SH3D19: variants seen among roughly 807,000 people sequenced by gnomAD.
SH3D19 encodes the protein SH3 domain-containing protein 19.
In SH3D19, 58 loss-of-function variants were observed where a neutral mutation model predicts 112.1. The ratio of observed to expected loss-of-function variants is 0.52; its 90% confidence interval spans 0.42 to 0.64. The LOEUF (loss-of-function observed/expected upper bound fraction) is 0.64, where lower values mean the gene tolerates loss of function less well. Among genes scored for constraint, SH3D19 ranks in the 30% least tolerant of loss-of-function variants. The pLI, the probability that SH3D19 is intolerant of heterozygous loss-of-function variation, is 0.00. For missense variants in SH3D19, 1,090 were observed against 1,263.4 expected, an observed-to-expected ratio of 0.86 and a Z score of 2.08; for synonymous variants, 391 against 448.5, an observed-to-expected ratio of 0.87 and a Z score of 1.62.
chr4:151,156,124 A>G (rs896499264), intron 9 of SH3D19, among the ~76,000 whole-genome samples: 1 of 152,190 alleles, frequency 6.6e-6, no homozygotes, highest in Non-Finnish European at 1.5e-5. Context: ...GAAGTGAAAG[A>G]CCTCTACAAG....
intron 1 of SH3D19, chr4:151,277,180 C>A (rs1272994979): frequency 1.3e-6 from 2 of 1,489,180 alleles, no homozygotes; most frequent in Non-Finnish European, 1.8e-6. Flanking sequence ...GACATGGGCC[C>A]TGCTGGCTGT....
chr4:151,137,798 T>C lies in SH3D19; in HGVS notation c.2361A>G (p.Thr787=). The change falls in exon 14 of 20, where the codon ACA becomes ACG. Residue 787 remains threonine (T), a synonymous_variant. Transcript: ENST00000604030. The part of the protein sequence containing the change: ...EIVYLLEKID[T]DWYRGNCRNQ... Reference sequence around the variant, plus strand: ...TTCTACAGTTCCCTCTGTACCAATCTGTATCTATCTTCTCCAGAAGATAAA... The same window carrying C: ...TTCTACAGTTCCCTCTGTACCAATCCGTATCTATCTTCTCCAGAAGATAAA... 3 of 1,611,012 alleles carry C rather than the reference T, an allele frequency of 1.9e-6. No individual in the cohort carries two copies. Among genetic ancestry groups the C allele is most frequent in the Non-Finnish European group, 2.5e-6 (3 of 1,178,470 alleles).
chr4:151,153,165 C>T (rs1276972233), intron 9 of SH3D19, among the ~76,000 whole-genome samples: 2 of 152,068 alleles, frequency 1.3e-5, no homozygotes, highest in African/African-American at 4.8e-5. Context: ...AGGTATTTCT[C>T]CCAAGACCAC....
At chr4:151,168,960 G>A (rs1758574578) in intron 7 of SH3D19, among the ~76,000 whole-genome samples, 1 of 151,546 alleles carries the variant, frequency 6.6e-6, no homozygotes, top group Non-Finnish European at 1.5e-5. Flanking sequence ...GGCAGGCAGG[G>A]AAAGGAGAAA....
At chr4:151,285,208 T>C (rs546208344) in intron 1 of SH3D19, among the ~76,000 whole-genome samples, 56 of 152,180 alleles carry the variant, frequency 3.7e-4, no homozygotes, top group Non-Finnish European at 7.5e-4. Flanking sequence ...CTGTCCACAA[T>C]TTATAACTGT....
chr4:151,238,049 G>A (rs1301653355), intron 1 of SH3D19, among the ~76,000 whole-genome samples: 1 of 152,164 alleles, frequency 6.6e-6, no homozygotes, highest in African/African-American at 2.4e-5. Context: ...AAAGTAAGCA[G>A]AAGAGGGAGA....
chr4:151,182,922 C>A (rs900277423), intron 3 of SH3D19, among the ~76,000 whole-genome samples: 4 of 152,124 alleles, frequency 2.6e-5, no homozygotes, highest in African/African-American at 9.7e-5. Context: ...TGGGTTAATG[C>A]CACAGAATAA....
intron 1 of SH3D19, among the ~76,000 whole-genome samples, chr4:151,307,353 C>T (rs1729024793): frequency 6.6e-6 from 1 of 152,226 alleles, no homozygotes; most frequent in Non-Finnish European, 1.5e-5. Flanking sequence ...TTTAGTGTCT[C>T]CCTTCTTACC....
At chr4:151,291,726 T>C (rs372121251) in intron 1 of SH3D19, among the ~76,000 whole-genome samples, 46 of 152,302 alleles carry the variant, frequency 3.0e-4, no homozygotes, top group African/African-American at 8.2e-4. Flanking sequence ...GAATAAGTAT[T>C]TGTAGACACA....
At chr4:151,295,129 G>A (rs1402898559) in intron 1 of SH3D19, among the ~76,000 whole-genome samples, 3 of 152,188 alleles carry the variant, frequency 2.0e-5, no homozygotes, top group African/African-American at 4.8e-5. Flanking sequence ...AAGCTACTAG[G>A]CCTCAGTAAG....
chr4:151,289,987 C>T (rs72967579), intron 1 of SH3D19, among the ~76,000 whole-genome samples: 4,866 of 152,246 alleles, frequency 0.032, 270 homozygotes, highest in African/African-American at 0.11. Context: ...CAGGGTCTTG[C>T]TCTGTCACCC....
At chr4:151,129,107 G>C (rs1185111911) in intron 17 of SH3D19, among the ~76,000 whole-genome samples, 1 of 152,166 alleles carries the variant, frequency 6.6e-6, no homozygotes, top group Non-Finnish European at 1.5e-5. Flanking sequence ...GAATGGGTTG[G>C]TCTATGAATT....
At chr4:151,179,922 C>T (rs916456959) in intron 3 of SH3D19, among the ~76,000 whole-genome samples, 2 of 152,202 alleles carry the variant, frequency 1.3e-5, no homozygotes, top group East Asian at 1.9e-4. Flanking sequence ...CCCTGTTGCT[C>T]AGGCTGGAGA....
chr4:151,194,528 C>T (rs1481728320), intron 2 of SH3D19, among the ~76,000 whole-genome samples: 1 of 151,776 alleles, frequency 6.6e-6, no homozygotes, highest in Non-Finnish European at 1.5e-5. Flanking sequence ...AATTCTCCTG[C>T]CTCAGCCTCC....
At chr4:151,147,563 GCAAT>G (rs1293519409) in intron 11 of SH3D19, among the ~76,000 whole-genome samples, 4 of 152,212 alleles carry the variant, frequency 2.6e-5, no homozygotes, top group Non-Finnish European at 5.9e-5. Context: ...CCAGGCTCAA[GCAAT>G]TCTCATGCCT....
At chr4:151,259,101 T>C (rs541217001) in intron 1 of SH3D19, among the ~76,000 whole-genome samples, 1 of 152,198 alleles carries the variant, frequency 6.6e-6, no homozygotes, top group South Asian at 2.1e-4. Context: ...TATGCTATAA[T>C]CATCCCACTG....
intron 9 of SH3D19, among the ~76,000 whole-genome samples, chr4:151,153,916 A>C (rs980956356): frequency 4.0e-5 from 6 of 151,784 alleles, no homozygotes; most frequent in Middle Eastern, 6.8e-3. Flanking sequence ...AAAATGTGGA[A>C]GTTGCTTCCG....
intron 1 of SH3D19, among the ~76,000 whole-genome samples, chr4:151,322,113 A>C (rs867128031): frequency 6.6e-6 from 1 of 152,128 alleles, no homozygotes; most frequent in Admixed American, 6.6e-5. Context: ...TTACTTTCCT[A>C]TAACTGCTTA....
intron 3 of SH3D19, among the ~76,000 whole-genome samples, chr4:151,185,040 GTTTTTT>G (rs66567240): frequency 0.014 from 919 of 66,516 alleles, 17 homozygotes; most frequent in Middle Eastern, 0.047. Context: ...GCTGTGTCCT[GTTTTTT>G]TTTTTTTTTT....
Sources: allele counts gnomAD v4.1 joint callset (sites outside exome capture counted in the v4.1 genomes callset), GRCh38; gene constraint gnomAD v4.1.1; transcripts MANE v1.5; gene names NCBI Gene and HGNC (gene_info 2026-07-23, HGNC 2026-07-21).